Variants in PRKDC observed in about 807,000 individuals in gnomAD.
PRKDC encodes DNA-dependent protein kinase catalytic subunit.
In PRKDC, 82 loss-of-function variants were observed where a neutral mutation model predicts 486.9. The observed-to-expected ratio is 0.17, with a 90% CI of 0.14 to 0.20. The LOEUF is 0.20. Ranked by LOEUF, PRKDC falls within the 10% of genes least tolerant of loss-of-function variation. The probability of loss-of-function intolerance (pLI) is 1.00; values close to 1 mark genes in which losing one functional copy is unlikely to be tolerated. For synonymous variants in PRKDC, 1,895 were observed against 1,837.0 expected, an observed-to-expected ratio of 1.03 and a Z score of -0.81; for missense variants, 4,504 against 5,038.2, an observed-to-expected ratio of 0.89 and a Z score of 3.21.
rs2089433767 is a variant in PRKDC, at chr8:47,890,344, T to C, written c.3984A>G (p.Glu1328=). Residue 1328 remains glutamate (E), a synonymous_variant, in exon 32 of 86, where the codon GAA becomes GAG. Coordinates refer to ENST00000314191, the MANE Select transcript of PRKDC (RefSeq NM_006904.7). ...AGNRTSPQEG[E]RYNYSKCTVV... ...CGGTGCATTTGCTGTAGTTGTACCT[T>C]TCTCCCTCTTGTGGGCTTGTTCTGT... is the stretch of plus-strand genomic sequence containing the variant. 2 of 1,613,530 alleles carry C rather than the reference T, an allele frequency of 1.2e-6. No individual in the cohort carries two copies.
intron 25 of PRKDC, among the ~76,000 whole-genome samples, chr8:47,905,553 C>G (rs912972948): frequency 6.6e-6 from 1 of 152,018 alleles, no homozygotes; most frequent in African/African-American, 2.4e-5. Context: ...AAATAACAAC[C>G]CTGTGGTTCC....
chr8:47,948,395 A>C (rs1589814176), intron 7 of PRKDC, among the ~76,000 whole-genome samples: 1 of 149,778 alleles, frequency 6.7e-6, no homozygotes, highest in African/African-American at 2.5e-5. Context: ...GGCGGGAGCC[A>C]CCTTGCCTGG....
chr8:47,946,070 C>T (rs1334277392), intron 7 of PRKDC, among the ~76,000 whole-genome samples: 2 of 151,718 alleles, frequency 1.3e-5, no homozygotes, highest in African/African-American at 4.8e-5. Context: ...TGGCTCACAC[C>T]TGTAATCCCA....
chr8:47,934,860 T>TAC (rs1290027996), intron 14 of PRKDC, 149 bp downstream of exon 14: 2 of 535,842 alleles, frequency 3.7e-6, no homozygotes, highest in East Asian at 6.2e-5. Flanking sequence ...ATAGAGGTAT[T>TAC]ATGTCCTACA....
intron 40 of PRKDC, among the ~76,000 whole-genome samples, chr8:47,869,652 A>T (rs1418461557): frequency 6.6e-6 from 1 of 151,926 alleles, no homozygotes; most frequent in Non-Finnish European, 1.5e-5. Flanking sequence ...AAGTAAGAGT[A>T]AAGGAGACTT....
chr8:47,901,936 G>A (rs1589779035), intron 27 of PRKDC, among the ~76,000 whole-genome samples: 1 of 152,068 alleles, frequency 6.6e-6, no homozygotes, highest in South Asian at 2.1e-4. Flanking sequence ...TGGTGTTCCA[G>A]TCTTCAGTCT....
rs764055873 is a variant in PRKDC at position 47,852,673 on chromosome 8, G to A, written c.7005C>T (p.Asn2335=). 12 of 1,550,138 alleles carry A rather than the reference G, an allele frequency of 7.7e-6. No individual in the cohort carries two copies. Among genetic ancestry groups the A allele is most frequent in the East Asian group, 2.3e-5 (1 of 42,926 alleles). Residue 2335 remains asparagine (N), a splice_region_variant and synonymous_variant, in exon 52 of 86, where the codon AAC becomes AAT. Transcript: ENST00000314191. ...ATTGAAAATTGTGTAGCACACTCAC[G>A]TTTTTTCTCTCCATAACATATCGAA... is the stretch of plus-strand genomic sequence containing the variant. ...LILRYVMERK[N]ILEESLCELV... is the part of the protein sequence containing the mutation.
In PRKDC at chr8:47,881,453, C is replaced by G. The variant is rs376474173; in HGVS notation, c.5030G>C (p.Ser1677Thr). 56 of 1,572,690 alleles carry G rather than the reference C, an allele frequency of 3.6e-5. No individual in the cohort carries two copies. The African/African-American group carries it at 7.2e-4, about 20-fold the overall frequency. Residue 1677 changes from serine to threonine, a missense_variant, in exon 38 of 86, where the codon AGT (serine) becomes ACT (threonine). By Grantham distance (58) the Ser-to-Thr change is moderately conservative. This residue lies in a region of PRKDC where 1,969 missense variants were observed against 2,068.9 expected (regional missense o/e 0.95). Coordinates refer to ENST00000314191, the MANE Select transcript of PRKDC (RefSeq NM_006904.7). ...SFPEVFTTYI[S>T]LLADTKLDLH... ...ATCCAGCTTTGTGTCAGCAAGTAGA[C>G]TAATATATGTTGTAAAGACTTCAGG...
rs990550866 is a variant in PRKDC, at chr8:47,783,682, C to T, written c.11175+60G>A. 3.2e-5 allele frequency: 49 copies of T among 1,534,320 alleles called. 1 individual carries two copies. In the South Asian group the frequency reaches 5.4e-4, roughly 17 times the overall value. ...TCTCATATACTAAAGGCAAACAGATCATTCTCATCTGAAGAACGTTCATCA... is the reference window on the plus strand; with the variant it reads ...TCTCATATACTAAAGGCAAACAGATTATTCTCATCTGAAGAACGTTCATCA... On this transcript the variant is annotated intron_variant, in intron 78 of 85. Transcript: ENST00000314191.
Position 47,953,939 on chromosome 8 carries a change from C to G in PRKDC, c.509-20G>C, listed in dbSNP as rs775001115. The G allele has an allele frequency of 1.8e-5, 25 of 1,404,354 alleles. No individual in the cohort carries two copies. In the South Asian group the frequency reaches 2.5e-4, roughly 14 times the overall value. The allele number at this position is 1,404,354 out of a possible 1,614,324, so 87.0% of individuals were successfully genotyped here. The stretch of plus-strand genomic sequence containing the variant: ...CTAAAACTGAAAAGAAAATTTTAGA[C>G]AAGTGAAGGCCTCAAACTACATTTA... On this transcript the variant is annotated intron_variant, in intron 5 of 85. Coordinates refer to ENST00000314191, the MANE Select transcript of PRKDC (RefSeq NM_006904.7).
chr8:47,862,852 T>C (rs1234075897), intron 42 of PRKDC, among the ~76,000 whole-genome samples: 3 of 152,178 alleles, frequency 2.0e-5, no homozygotes, highest in African/African-American at 7.2e-5. Flanking sequence ...GGTGACATCA[T>C]TCACTGATGA....
intron 80 of PRKDC, chr8:47,779,393 C>T: frequency 4.1e-6 from 1 of 243,240 alleles, no homozygotes. Context: ...ATAAGATGAA[C>T]TAAACATAAC....
chr8:47,924,128 G>C (rs888377035), intron 21 of PRKDC, among the ~76,000 whole-genome samples: 23 of 152,162 alleles, frequency 1.5e-4, no homozygotes, highest in African/African-American at 4.6e-4. Context: ...CACTACTTTT[G>C]CCTGTGACAT....
chr8:47,889,516 G>C (rs1378642212), intron 32 of PRKDC, among the ~76,000 whole-genome samples: 4 of 152,240 alleles, frequency 2.6e-5, no homozygotes, highest in Middle Eastern at 3.2e-3. Context: ...TGTGTCCATG[G>C]ACAGGGTTTC....
In PRKDC at chr8:47,830,696, A is replaced by T; in HGVS notation, c.8306T>A (p.Val2769Asp). 1 of 1,613,938 alleles carries T rather than the reference A, an allele frequency of 6.2e-7. No homozygotes were observed. Among genetic ancestry groups the T allele is most frequent in the East Asian group, 2.2e-5 (1 of 44,870 alleles). ...SELKMKQDAQ[V>D]VLYRSYRHGD... ...GTGCCGGTAGCTTCTGTACAGAACG[A>T]CCTGGGCATCCTGCTTCATTTTTAA... Residue 2769 changes from valine to aspartate, a missense_variant, in exon 61 of 86, where the codon GTC (valine) becomes GAC (aspartate). Physicochemically the swap from Val to Asp is radical, Grantham distance 152. Transcript: ENST00000314191.
chr8:47,944,105 C>T, intron 7 of PRKDC, 76 bp from the exon 8 acceptor site: 2 of 1,128,928 alleles, frequency 1.8e-6, no homozygotes, highest in Admixed American at 2.1e-5. Context: ...CAGCTTGACA[C>T]CTATATTAAC....
Position 47,881,676 on chromosome 8 carries a change from C to T in PRKDC, c.4963-156G>A, listed in dbSNP as rs2089221358. 3.3e-5 allele frequency among the ~76,000 whole-genome samples: 5 copies of T among 152,236 alleles called. No individual in the cohort carries two copies. In the South Asian group the frequency reaches 1.0e-3, roughly 32 times the overall value. On this transcript the variant is annotated intron_variant, in intron 37 of 85. Transcript: ENST00000314191. ...AATCTTATTGTAAAACATTGTAATACTATCTGTTAGGACAATACATGCAAA... is the reference window on the plus strand; with the variant it reads ...AATCTTATTGTAAAACATTGTAATATTATCTGTTAGGACAATACATGCAAA...
At chr8:47,828,816 A>T (rs568985391) in intron 61 of PRKDC, among the ~76,000 whole-genome samples, 2 of 152,364 alleles carry the variant, frequency 1.3e-5, no homozygotes, top group South Asian at 4.1e-4. Flanking sequence ...ATAACTGATG[A>T]GCTTAAATAA....
intron 15 of PRKDC, among the ~76,000 whole-genome samples, chr8:47,933,761 T>C (rs2090298641): frequency 6.6e-6 from 1 of 152,262 alleles, no homozygotes; most frequent in Non-Finnish European, 1.5e-5. Context: ...AGGAGTTCTA[T>C]GTCTGTGTTT....
Sources: gnomAD v4.1 joint callset for allele counts (sites outside exome capture counted in the v4.1 genomes callset) on GRCh38, gnomAD v4.1.1 for gene constraint, gnomAD v4.1.1 regional missense constraint, MANE v1.5 for transcripts, NCBI Gene and HGNC (gene_info 2026-07-23, HGNC 2026-07-21) for gene names.